The following ISOC1 variants were observed in gnomAD, a reference collection of about 807,000 sequenced individuals.
ISOC1 encodes the protein isochorismatase domain-containing protein 1.
ISOC1 carries 33 observed loss-of-function variants against 30.0 expected under a neutral mutation model. The observed-to-expected ratio is 1.10, with a 90% confidence interval of 0.83 to 1.47. ISOC1 has a LOEUF of 1.47. Ranked by LOEUF, ISOC1 falls within the 40% of genes most tolerant of loss-of-function variation. The probability of loss-of-function intolerance (pLI) is 0.00; values close to 1 mark genes in which losing one functional copy is unlikely to be tolerated. For synonymous variants in ISOC1, 178 were observed against 159.8 expected, an observed-to-expected ratio of 1.11 and a Z score of -0.86; for missense variants, 372 against 388.0, an observed-to-expected ratio of 0.96 and a Z score of 0.35.
chr5:129,097,332 C>A (rs564569900), intron 1 of ISOC1, among the ~76,000 whole-genome samples: 16 of 152,044 alleles, frequency 1.1e-4, no homozygotes, highest in Middle Eastern at 3.4e-3. Flanking sequence ...CACTGTGTAT[C>A]GTATATACCT....
intron 3 of ISOC1, among the ~76,000 whole-genome samples, 185 bp downstream of exon 3, chr5:129,105,573 T>A (rs572943296): frequency 1.3e-5 from 2 of 152,168 alleles, no homozygotes; most frequent in Non-Finnish European, 2.9e-5. Flanking sequence ...ATTTATTAAG[T>A]CCCTTAAGCC....
At chr5:129,097,392 C>G (rs1344141382) in intron 1 of ISOC1, among the ~76,000 whole-genome samples, 1 of 152,068 alleles carries the variant, frequency 6.6e-6, no homozygotes, top group Middle Eastern at 3.2e-3. Context: ...TATATACACA[C>G]ATACATATAT....
chr5:129,106,161 TTCA>T (rs1340968006), intron 3 of ISOC1, among the ~76,000 whole-genome samples: 2 of 152,162 alleles, frequency 1.3e-5, no homozygotes, highest in African/African-American at 4.8e-5. Flanking sequence ...TTTTTGCTTG[TTCA>T]TCATCATTAG....
intron 4 of ISOC1, among the ~76,000 whole-genome samples, chr5:129,109,563 T>G (rs372680278): frequency 1.3e-5 from 2 of 152,134 alleles, no homozygotes; most frequent in Admixed American, 6.5e-5. Context: ...GAATCTGTTG[T>G]CTGGGGTGGA....
At position 129,113,211 on chromosome 5, in the gene ISOC1, C is replaced by T. The variant is rs988320564; in HGVS notation, c.*210C>T. On this transcript the variant is annotated 3_prime_UTR_variant, in exon 5 of 5. Transcript: ENST00000173527. ...CGTCAAAGGCTTCCGGTGCTGCTTA[C>T]CTTCCTTTTTTGTTAATGTGCTTTT... 2 of 426,732 alleles carry T rather than the reference C, an allele frequency of 4.7e-6. No homozygotes were observed. The highest frequency in any genetic ancestry group is 4.1e-6 in the Non-Finnish European group (1 of 241,950). The allele number at this position is 426,732 out of a possible 1,614,324, so 26.4% of individuals were successfully genotyped here. A position where few individuals can be genotyped will look rare whatever the true frequency, so the allele number is the denominator to read the frequency against.
At chr5:129,109,311 T>C (rs1753675989) in intron 4 of ISOC1, among the ~76,000 whole-genome samples, 1 of 152,212 alleles carries the variant, frequency 6.6e-6, no homozygotes, top group African/African-American at 2.4e-5. Context: ...AGATTTCTCA[T>C]TGGTGAAATG....
intron 4 of ISOC1, among the ~76,000 whole-genome samples, chr5:129,108,047 A>G (rs1318769318): frequency 6.6e-6 from 1 of 152,234 alleles, no homozygotes; most frequent in African/African-American, 2.4e-5. Flanking sequence ...AGCAATGTGC[A>G]TGTGAATTTA....
In ISOC1 at chr5:129,105,340, A is replaced by G. The variant is rs758292601; in HGVS notation, c.585A>G (p.Ala195=). 8.1e-6 allele frequency: 13 copies of G among 1,613,924 alleles called. No individual in the cohort carries two copies. Among genetic ancestry groups the G allele is most frequent in the Non-Finnish European group, 1.1e-5 (13 of 1,179,838 alleles). The change falls in exon 3 of 5, where the codon GCA becomes GCG. Residue 195 remains alanine, a synonymous_variant. Transcript: ENST00000173527. ...FSMVLPEVEA[A]LAEIPGVRSV... ...TGGTATTACCAGAAGTAGAAGCGGC[A>G]TTAGCAGAGATTCCCGGAGTCAGGA...
At chr5:129,110,924 C>G (rs1195423919) in intron 4 of ISOC1, among the ~76,000 whole-genome samples, 1 of 152,082 alleles carries the variant, frequency 6.6e-6, no homozygotes, top group Non-Finnish European at 1.5e-5. Flanking sequence ...CATTGCAAGT[C>G]CATTGATTCA....
At chr5:129,110,927 T>C (rs1192063966) in intron 4 of ISOC1, among the ~76,000 whole-genome samples, 2 of 152,146 alleles carry the variant, frequency 1.3e-5, no homozygotes, top group South Asian at 2.1e-4. Flanking sequence ...TGCAAGTCCA[T>C]TGATTCAACA....
intron 4 of ISOC1, among the ~76,000 whole-genome samples, chr5:129,110,852 CA>C (rs1233256819): frequency 6.6e-6 from 1 of 152,182 alleles, no homozygotes; most frequent in African/African-American, 2.4e-5. Context: ...TTGGAGTATA[CA>C]GTGTAAAGCA....
At chr5:129,110,910 G>A (rs972781283) in intron 4 of ISOC1, among the ~76,000 whole-genome samples, 1 of 152,144 alleles carries the variant, frequency 6.6e-6, no homozygotes, top group African/African-American at 2.4e-5. Flanking sequence ...GATTCAGACT[G>A]AATCATTGCA....
At chr5:129,112,834 G>C (rs774307712) in intron 4 of ISOC1, 21 bp from the exon 5 acceptor site, 1 of 1,607,314 alleles carries the variant, frequency 6.2e-7, no homozygotes, top group East Asian at 2.2e-5. Flanking sequence ...TTCTTGATTT[G>C]CCTTTATCTT....
chr5:129,094,912 T>C lies in ISOC1; in HGVS notation c.146T>C (p.Leu49Pro). 1.2e-6 allele frequency: 2 copies of C among 1,612,082 alleles called. No individual in the cohort carries two copies. The highest frequency in any genetic ancestry group is 1.1e-5 in the South Asian group (1 of 90,806). Residue 49 changes from leucine (L) to proline (P), a missense_variant, in exon 1 of 5, where the codon CTG (leucine) becomes CCG (proline). Transcript: ENST00000173527. ...SSVPHGAGYE[L>P]LIQKFLSLYG... ...GTGCCACACGGGGCGGGCTACGAGCTGCTCATCCAGAAGTTCCTCAGCCTG... is the reference window on the plus strand; with the variant it reads ...GTGCCACACGGGGCGGGCTACGAGCCGCTCATCCAGAAGTTCCTCAGCCTG...
Position 129,112,839 on chromosome 5 carries a change from T to G in ISOC1, c.751-16T>G. 1 of 1,608,642 alleles carries G rather than the reference T, an allele frequency of 6.2e-7. No individual in the cohort carries two copies. The highest frequency in any genetic ancestry group is 8.5e-7 in the Non-Finnish European group (1 of 1,178,164). On this transcript the variant is annotated splice_polypyrimidine_tract_variant and intron_variant, in intron 4 of 4. Transcript: ENST00000173527. ...TCATGCTTATTTCTTGATTTGCCTT[T>G]ATCTTTTTGTTCAAGCGTCTCGCTC... is the stretch of plus-strand genomic sequence containing the variant.
intron 1 of ISOC1, among the ~76,000 whole-genome samples, chr5:129,095,358 C>G (rs1753483111): frequency 6.6e-6 from 1 of 152,202 alleles, no homozygotes; most frequent in Non-Finnish European, 1.5e-5. Context: ...GGTCCTCGGT[C>G]GCCCGCATCC....
intron 1 of ISOC1, among the ~76,000 whole-genome samples, chr5:129,095,621 C>A (rs752835192): frequency 7.2e-5 from 11 of 152,206 alleles, no homozygotes; most frequent in Non-Finnish European, 1.5e-4. Context: ...TAACCTTAAG[C>A]AAATAACCAT....
intron 1 of ISOC1, among the ~76,000 whole-genome samples, chr5:129,100,801 G>T (rs1327319976): frequency 6.6e-6 from 1 of 151,882 alleles, no homozygotes; most frequent in Non-Finnish European, 1.5e-5. Flanking sequence ...GGGAGGATTG[G>T]TTGGACATGA....
chr5:129,097,139 C>G (rs1190198011), intron 1 of ISOC1, among the ~76,000 whole-genome samples: 1 of 152,030 alleles, frequency 6.6e-6, no homozygotes, highest in Non-Finnish European at 1.5e-5. Flanking sequence ...GCCAACTAGT[C>G]TAATAATTCT....
Sources: gnomAD v4.1 joint callset for allele counts (sites outside exome capture counted in the v4.1 genomes callset) on GRCh38, gnomAD v4.1.1 for gene constraint, MANE v1.5 for transcripts, NCBI Gene and HGNC (gene_info 2026-07-23, HGNC 2026-07-21) for gene names.